SPATA6: variants seen among roughly 807,000 people sequenced by gnomAD.
The protein encoded by SPATA6 is spermatogenesis associated 6, also known as spermatogenesis-associated protein 6.
A neutral mutation model predicts 65.3 loss-of-function variants in SPATA6; 56 were observed. The ratio of observed to expected loss-of-function variants is 0.86; its 90% CI spans 0.69 to 1.07. SPATA6 has a LOEUF of 1.07. SPATA6 is among the 50% of genes least tolerant of loss of function. The pLI is 0.00. For missense variants in SPATA6, 590 were observed against 594.8 expected (o/e 0.99, Z 0.08); for synonymous variants, 199 against 213.2 (o/e 0.93, Z 0.58).
At chr1:48,410,759 G>C (rs1034203079) in intron 5 of SPATA6, among the ~76,000 whole-genome samples, 1 of 152,128 alleles carries the variant, frequency 6.6e-6, no homozygotes, top group Non-Finnish European at 1.5e-5. Flanking sequence ...GATTTCGTGA[G>C]AACTCACTTG....
Position 48,313,227 on chromosome 1 carries a change from C to T in SPATA6, c.1195-7349G>A, listed in dbSNP as rs1435336846. ...AGATACTCCTCGAGAAGAGCAACTC[C>T]AAGACACATAATTGTCAGATTCACC... On this transcript the variant is annotated intron_variant, in intron 11 of 12. Transcript: ENST00000371847. Among the ~76,000 whole-genome samples the T allele has an allele frequency of 4.6e-5, 7 of 152,210 alleles. No individual in the cohort carries two copies. The South Asian group carries it at 1.2e-3, about 27-fold the overall frequency.
chr1:48,331,195 C>G (rs937701713), intron 11 of SPATA6, among the ~76,000 whole-genome samples: 4 of 152,176 alleles, frequency 2.6e-5, no homozygotes, highest in African/African-American at 9.7e-5. Context: ...AACAACCACA[C>G]TAACTCTCCA....
chr1:48,432,391 T>C (rs1281364669), intron 3 of SPATA6, among the ~76,000 whole-genome samples: 1 of 152,078 alleles, frequency 6.6e-6, no homozygotes, highest in African/African-American at 2.4e-5. Flanking sequence ...TTGCAAATAA[T>C]ATATCTGATA....
At chr1:48,379,303 C>A (rs1223123082) in intron 9 of SPATA6, among the ~76,000 whole-genome samples, 1 of 152,066 alleles carries the variant, frequency 6.6e-6, no homozygotes, top group Non-Finnish European at 1.5e-5. Flanking sequence ...ATCCAGTCAC[C>A]TCTCTCTCTC....
At chr1:48,366,572 T>C (rs1177973981) in intron 9 of SPATA6, among the ~76,000 whole-genome samples, 1 of 152,194 alleles carries the variant, frequency 6.6e-6, no homozygotes, top group Admixed American at 6.5e-5. Flanking sequence ...GATTTTCTAG[T>C]TTATTTGCGT....
At chr1:48,325,509 T>C in intron 11 of SPATA6, 1 of 1,231,330 alleles carries the variant, frequency 8.1e-7, no homozygotes, top group South Asian at 1.2e-5. Context: ...GATCTCATCA[T>C]CCTCACTGAA....
chr1:48,442,260 G>A (rs539540868), intron 3 of SPATA6, among the ~76,000 whole-genome samples: 6 of 152,226 alleles, frequency 3.9e-5, no homozygotes, highest in African/African-American at 1.2e-4. Flanking sequence ...ACTGGGAAAG[G>A]GAAAAAGAAT....
intron 11 of SPATA6, among the ~76,000 whole-genome samples, chr1:48,327,102 T>C (rs1382559748): frequency 6.6e-6 from 1 of 152,002 alleles, no homozygotes. Flanking sequence ...ACTATGTCTT[T>C]GACAAAGGAC....
At chr1:48,295,165 T>C (rs1644793745), downstream of SPATA6, among the ~76,000 whole-genome samples, 1 of 152,174 alleles carries the variant, frequency 6.6e-6, no homozygotes, top group Admixed American at 6.5e-5. Context: ...CACGTTCACT[T>C]TGAAAAACAA....
At chr1:48,305,183 A>G (rs1253521093) in intron 12 of SPATA6, among the ~76,000 whole-genome samples, 2 of 152,314 alleles carry the variant, frequency 1.3e-5, no homozygotes, top group African/African-American at 4.8e-5. Context: ...AAAATATTCC[A>G]TTCTTTGGAG....
At position 48,296,058 on chromosome 1, in the gene SPATA6, T is replaced by A. The variant is rs1023131208; in HGVS notation, c.*2655A>T. The A allele has an allele frequency of 1.3e-5, 2 of 152,036 alleles. No homozygotes were observed. Among genetic ancestry groups the A allele is most frequent in the African/African-American group, 4.8e-5 (2 of 41,400 alleles). 9.4% of individuals were successfully genotyped at this position (152,036 alleles called of 1,614,324 possible). ...TTGACATTTTTCTAAATCCCAAGGTTTTTTATGATTTAAAGAAAAAAATTA... is the reference window on the plus strand; with the variant it reads ...TTGACATTTTTCTAAATCCCAAGGTATTTTATGATTTAAAGAAAAAAATTA... On this transcript the variant is annotated 3_prime_UTR_variant, in exon 13 of 13. Coordinates refer to ENST00000371847, the MANE Select transcript of SPATA6 (RefSeq NM_019073.4).
chr1:48,328,681 AGATGT>A (rs917826691), intron 11 of SPATA6, among the ~76,000 whole-genome samples: 1 of 152,172 alleles, frequency 6.6e-6, no homozygotes. Context: ...TTTTGAAATT[AGATGT>A]GATTTTTTTG....
intron 11 of SPATA6, among the ~76,000 whole-genome samples, chr1:48,353,502 T>C (rs999775459): frequency 1.4e-5 from 2 of 147,450 alleles, no homozygotes; most frequent in African/African-American, 5.0e-5. Context: ...AACCAAAGAA[T>C]TGAAAAATAT....
chr1:48,311,986 G>C (rs2148668655), intron 11 of SPATA6, among the ~76,000 whole-genome samples: 1 of 152,296 alleles, frequency 6.6e-6, no homozygotes, highest in Non-Finnish European at 1.5e-5. Flanking sequence ...ACAACAGTCT[G>C]AGATAAAACT....
intron 11 of SPATA6, among the ~76,000 whole-genome samples, chr1:48,341,397 G>T (rs191325280): frequency 1.6e-4 from 24 of 152,154 alleles, no homozygotes; most frequent in Admixed American, 5.2e-4. Context: ...GTCCTGCTCC[G>T]TCTGCCCAGG....
At chr1:48,442,717 T>TAAAAAA (rs71056669) in intron 3 of SPATA6, among the ~76,000 whole-genome samples, 16 of 46,218 alleles carry the variant, frequency 3.5e-4, no homozygotes, top group African/African-American at 1.2e-3. Context: ...ATGGAAGTAG[T>TAAAAAA]AAAAAAAAAA....
At position 48,371,552 on chromosome 1, in the gene SPATA6, G is replaced by A. The variant is rs149689859; in HGVS notation, c.910-11782C>T. Among the ~76,000 whole-genome samples the A allele has an allele frequency of 6.6e-4, 101 of 152,238 alleles. 2 individuals carry two copies. In the East Asian group the frequency reaches 0.016, roughly 24 times the overall value. ...AAATCAGTGGCTGGACATCATAAAC[G>A]TTCATTTTTCCTCCACTATATGGTA... On this transcript the variant is annotated intron_variant, in intron 9 of 12. Coordinates refer to ENST00000371847, the MANE Select transcript of SPATA6 (RefSeq NM_019073.4).
chr1:48,406,554 C>T (rs1255139365), intron 5 of SPATA6, among the ~76,000 whole-genome samples: 1 of 152,094 alleles, frequency 6.6e-6, no homozygotes, highest in Admixed American at 6.6e-5. Flanking sequence ...AATTAAGAGA[C>T]ATTTATTAAG....
chr1:48,286,065 T>G, the SPATA6 span, among the ~76,000 whole-genome samples: 1 of 152,214 alleles, frequency 6.6e-6, no homozygotes, highest in Admixed American at 6.5e-5. Context: ...ACTGTTTTGT[T>G]TATTATAGCT....
Sources: gnomAD v4.1 joint callset for allele counts (sites outside exome capture counted in the v4.1 genomes callset) on GRCh38, gnomAD v4.1.1 for gene constraint, MANE v1.5 for transcripts, NCBI Gene and HGNC (gene_info 2026-07-23, HGNC 2026-07-21) for gene names.